Variants in AGBL4 observed in about 807,000 individuals in gnomAD.
The protein encoded by AGBL4 is cytosolic carboxypeptidase 6.
AGBL4 carries 58 observed loss-of-function variants against 66.4 expected under a neutral mutation model. That is an observed-to-expected ratio of 0.87 (90% CI 0.71 to 1.09). The LOEUF (loss-of-function observed/expected upper bound fraction) is 1.09. AGBL4 is among the 50% of genes least tolerant of loss of function. The pLI, the probability that AGBL4 is intolerant of heterozygous loss-of-function variation, is 0.00. For synonymous variants in AGBL4, 234 were observed against 222.9 expected (o/e 1.05, Z -0.44); for missense variants, 579 against 631.0 (o/e 0.92, Z 0.88).
intron 3 of AGBL4, among the ~76,000 whole-genome samples, chr1:49,444,895 C>T (rs968382789): frequency 6.6e-6 from 1 of 151,656 alleles, no homozygotes; most frequent in African/African-American, 2.4e-5. Context: ...GTAGTGGCAC[C>T]GTTTGCATCC....
At chr1:48,574,486 C>T (rs1249041615) in intron 11 of AGBL4, among the ~76,000 whole-genome samples, 1 of 151,902 alleles carries the variant, frequency 6.6e-6, no homozygotes, top group Non-Finnish European at 1.5e-5. Context: ...TGGCATTCTG[C>T]AGGAGCTTCA....
intron 1 of AGBL4, chr1:49,995,508 G>T: frequency 2.9e-6 from 1 of 342,882 alleles, no homozygotes; most frequent in Non-Finnish European, 5.8e-6. Context: ...CCCAAGAAGA[G>T]TCTGAGCTAA....
chr1:49,373,294 G>T (rs1161811689), intron 3 of AGBL4, among the ~76,000 whole-genome samples: 1 of 152,104 alleles, frequency 6.6e-6, no homozygotes, highest in Non-Finnish European at 1.5e-5. Flanking sequence ...CCTGGTATGT[G>T]GTATATGACC....
chr1:48,999,708 T>A (rs989784807), intron 5 of AGBL4, among the ~76,000 whole-genome samples: 2 of 151,928 alleles, frequency 1.3e-5, no homozygotes, highest in Non-Finnish European at 2.9e-5. Context: ...TCCCACCCAA[T>A]CCATATTCCA....
intron 6 of AGBL4, among the ~76,000 whole-genome samples, chr1:48,750,339 G>A (rs1651492977): frequency 6.6e-6 from 1 of 152,088 alleles, no homozygotes; most frequent in Non-Finnish European, 1.5e-5. Context: ...GCACTTCACT[G>A]TGCCGTCCAA....
At chr1:49,267,860 A>G (rs745728458) in intron 3 of AGBL4, among the ~76,000 whole-genome samples, 6 of 152,070 alleles carry the variant, frequency 3.9e-5, no homozygotes, top group Non-Finnish European at 5.9e-5. Context: ...TATAAAAACC[A>G]TCAGATCTCA....
intron 3 of AGBL4, among the ~76,000 whole-genome samples, chr1:49,628,558 T>C (rs535206505): frequency 8.1e-4 from 123 of 152,214 alleles, no homozygotes; most frequent in African/African-American, 2.9e-3. Context: ...TTCCTAAATC[T>C]TCAAAAGGTT....
At chr1:49,842,372 C>A in intron 2 of AGBL4, 1 of 599,372 alleles carries the variant, frequency 1.7e-6, no homozygotes, top group Non-Finnish European at 2.6e-6. Context: ...TGGAGTTCCC[C>A]AAGGCATGTA....
chr1:48,743,285 A>G (rs1650219249), intron 6 of AGBL4, among the ~76,000 whole-genome samples: 2 of 152,200 alleles, frequency 1.3e-5, no homozygotes, highest in African/African-American at 4.8e-5. Context: ...AAATTAAAAC[A>G]CAATACACAT....
chr1:48,664,434 G>A (rs543257849), intron 6 of AGBL4, among the ~76,000 whole-genome samples: 2 of 152,238 alleles, frequency 1.3e-5, no homozygotes, highest in South Asian at 2.1e-4. Flanking sequence ...GAATTCAGAC[G>A]GGCAATGTCT....
chr1:50,018,723 A>G (rs1662179341), intron 1 of AGBL4, among the ~76,000 whole-genome samples: 1 of 152,168 alleles, frequency 6.6e-6, no homozygotes, highest in African/African-American at 2.4e-5. Flanking sequence ...CACGGATCTC[A>G]GAAATACAGA....
chr1:48,931,265 A>T (rs1655013580), intron 5 of AGBL4, among the ~76,000 whole-genome samples: 1 of 152,228 alleles, frequency 6.6e-6, no homozygotes, highest in African/African-American at 2.4e-5. Flanking sequence ...AAAGATTTGC[A>T]AAGTTGGTAG....
intron 3 of AGBL4, among the ~76,000 whole-genome samples, chr1:49,577,716 T>C (rs1644464153): frequency 6.6e-6 from 1 of 152,200 alleles, no homozygotes; most frequent in South Asian, 2.1e-4. Flanking sequence ...GGCAGTAGGC[T>C]CAGGCTCATG....
chr1:48,844,068 C>T (rs997690341), intron 6 of AGBL4, among the ~76,000 whole-genome samples: 1 of 152,186 alleles, frequency 6.6e-6, no homozygotes, highest in African/African-American at 2.4e-5. Flanking sequence ...CTTCTGCCCC[C>T]CAACACCAGC....
intron 2 of AGBL4, among the ~76,000 whole-genome samples, chr1:49,781,427 G>A (rs1371305842): frequency 6.6e-6 from 1 of 151,536 alleles, no homozygotes; most frequent in East Asian, 1.9e-4. Flanking sequence ...AGATAAAGAG[G>A]GAAAATATAC....
intron 2 of AGBL4, among the ~76,000 whole-genome samples, chr1:49,733,788 A>T (rs1649644545): frequency 6.6e-6 from 1 of 152,230 alleles, no homozygotes; most frequent in South Asian, 2.1e-4. Context: ...CAAAGATTTC[A>T]CCTTTTTACT....
chr1:48,594,006 T>G (rs1315266326), intron 9 of AGBL4, among the ~76,000 whole-genome samples: 1 of 152,102 alleles, frequency 6.6e-6, no homozygotes, highest in Non-Finnish European at 1.5e-5. Flanking sequence ...TTTTACTGTA[T>G]AGTTAAGAAT....
At position 49,262,279 on chromosome 1, in the gene AGBL4, G is replaced by C. The variant is rs140392467; in HGVS notation, c.283-16415C>G. Among the ~76,000 whole-genome samples, 16 of 152,232 alleles carry C rather than the reference G, an allele frequency of 1.1e-4. No homozygotes were observed. The East Asian group carries it at 3.1e-3, about 29-fold the overall frequency. ...GGACTTCATGTCTAAAACACTTCATGGCGACAAAAGACAAAATTGACAAAT... is the reference window on the plus strand; with the variant it reads ...GGACTTCATGTCTAAAACACTTCATCGCGACAAAAGACAAAATTGACAAAT... On this transcript the variant is annotated intron_variant, in intron 3 of 13. Transcript: ENST00000371839.
At chr1:49,496,387 C>T (rs1190896840) in intron 3 of AGBL4, among the ~76,000 whole-genome samples, 1 of 151,848 alleles carries the variant, frequency 6.6e-6, no homozygotes, top group Non-Finnish European at 1.5e-5. Context: ...GTGGTGAGAA[C>T]ACTTAAAATC....
Sources: allele counts gnomAD v4.1 joint callset (sites outside exome capture counted in the v4.1 genomes callset), GRCh38; gene constraint gnomAD v4.1.1; transcripts MANE v1.5; gene names NCBI Gene and HGNC (gene_info 2026-07-23, HGNC 2026-07-21).